FCRL5: variants seen among roughly 807,000 people sequenced by gnomAD.
The protein encoded by FCRL5 is Fc receptor-like protein 5.
In FCRL5, 79 loss-of-function variants were observed where a neutral mutation model predicts 92.1. The observed-to-expected ratio is 0.86, with a 90% CI of 0.72 to 1.03. The LOEUF is 1.03. FCRL5 is among the 50% of genes least tolerant of loss of function. FCRL5 has a pLI of 0.00. For synonymous variants in FCRL5, 466 were observed against 469.3 expected (o/e 0.99, Z 0.09); for missense variants, 1,160 against 1,181.1 (o/e 0.98, Z 0.26).
rs1558123930 is a variant in FCRL5 at position 157,515,693 on chromosome 1, G to A, written c.2916C>T (p.Ser972=). Residue 972 remains serine, a synonymous_variant, in exon 17 of 17, where the codon TCC becomes TCT. Transcript: ENST00000361835. Reference sequence around the variant, plus strand: ...TGTGGACTCATCTGTGAGGAGCTGAGGAAGCCAAGAACAGGGATCCGGAAA... The same window carrying A: ...TGTGGACTCATCTGTGAGGAGCTGAAGAAGCCAAGAACAGGGATCCGGAAA... The part of the protein sequence containing the change: ...TPVSGSLFLA[S]SAPHR 6.2e-7 allele frequency: 1 copy of A among 1,614,210 alleles called. No individual in the cohort carries two copies. The highest frequency in any genetic ancestry group is 8.5e-7 in the Non-Finnish European group (1 of 1,180,040).
rs534767199 is a variant in FCRL5 at position 157,538,078 on chromosome 1, G to A, written c.1402+1008C>T. Among the ~76,000 whole-genome samples, 7 of 152,234 alleles carry A rather than the reference G, an allele frequency of 4.6e-5. No individual in the cohort carries two copies. In the South Asian group the frequency reaches 1.5e-3, roughly 32 times the overall value. ...TCAGCATTTAGTAGGTGAAGAAGTG[G>A]GTCATTTAATAGGACTTTAAACATC... On this transcript the variant is annotated intron_variant, in intron 7 of 16. Transcript: ENST00000361835.
At chr1:157,539,445 C>T (rs1651143881) in intron 6 of FCRL5, 81 bp from the exon 7 acceptor site, 4 of 1,324,540 alleles carry the variant, frequency 3.0e-6, no homozygotes, top group South Asian at 3.3e-5. Flanking sequence ...ATCTTGGGAA[C>T]CCCAAATCAC....
Position 157,539,355 on chromosome 1 carries a change from G to A in FCRL5, c.1133C>T (p.Ser378Phe). 1.2e-6 allele frequency: 2 copies of A among 1,607,672 alleles called. No individual in the cohort carries two copies. The highest frequency in any genetic ancestry group is 1.7e-6 in the Non-Finnish European group (2 of 1,176,148). ...AVSLSVTVPVSHPVLNLSSPE... is the reference protein window; with the variant it reads ...AVSLSVTVPVFHPVLNLSSPE... ...AGAGCTGAGGTTGAGGACAGGATGA[G>A]ACACGGGAACTGAGAGAGAGAAAAA... The change falls in exon 7 of 17, where the codon TCT (serine) becomes TTT (phenylalanine). Residue 378 changes from serine (S) to phenylalanine (F), a missense_variant. Transcript: ENST00000361835.
At chr1:157,528,980 AG>A (rs1479921449) in intron 8 of FCRL5, among the ~76,000 whole-genome samples, 1 of 152,238 alleles carries the variant, frequency 6.6e-6, no homozygotes, top group African/African-American at 2.4e-5. Context: ...TAAATTTAAA[AG>A]CTTCTGCACA....
At chr1:157,528,432 C>T (rs1033527070) in intron 8 of FCRL5, 1 of 152,092 alleles carries the variant, frequency 6.6e-6, no homozygotes, top group African/African-American at 2.4e-5. Flanking sequence ...CAAAATACCA[C>T]CATAATTCTT....
intron 6 of FCRL5, among the ~76,000 whole-genome samples, chr1:157,541,265 C>T (rs76519844): frequency 1.0e-3 from 158 of 152,304 alleles, no homozygotes; most frequent in African/African-American, 3.6e-3. Context: ...TCCAACTGGA[C>T]GCTCTCTTGA....
At position 157,542,922 on chromosome 1, in the gene FCRL5, A is replaced by G; in HGVS notation, c.1060T>C (p.Tyr354His). 6.2e-7 allele frequency: 1 copy of G among 1,614,184 alleles called. No individual in the cohort carries two copies. Among genetic ancestry groups the G allele is most frequent in the Non-Finnish European group, 8.5e-7 (1 of 1,180,030 alleles). ...SLTTENSGNY[Y>H]CTADNGLGAK... ...CCAAGGCCATTGTCAGCTGTGCAGTAGTAGTTCCCTGAATTCTCTGTAGTC... is the reference window on the plus strand; with the variant it reads ...CCAAGGCCATTGTCAGCTGTGCAGTGGTAGTTCCCTGAATTCTCTGTAGTC... The change falls in exon 6 of 17, where the codon TAC (tyrosine) becomes CAC (histidine). Residue 354 changes from tyrosine to histidine, a missense_variant. By Grantham distance (83) the Tyr-to-His change is moderately conservative (BLOSUM62 2). Coordinates refer to ENST00000361835, the MANE Select transcript of FCRL5 (RefSeq NM_031281.3).
rs374535012 is a variant in FCRL5, at chr1:157,548,849, A to G, written c.52+711T>C. Among the ~76,000 whole-genome samples the G allele has an allele frequency of 9.2e-5, 14 of 152,330 alleles. No homozygotes were observed. The East Asian group carries it at 1.5e-3, about 17-fold the overall frequency. On this transcript the variant is annotated intron_variant, in intron 2 of 16. Transcript: ENST00000361835. ...TACACTGTTGGTGGGAGTGTAAACT[A>G]GTTCAACCATTGTGGAAGTCAGTGT... is the stretch of plus-strand genomic sequence containing the variant.
chr1:157,538,637 A>AGCGACTTGTCTTTGTGTCTTAC (rs1274898077), intron 7 of FCRL5, among the ~76,000 whole-genome samples: 15 of 152,240 alleles, frequency 9.9e-5, no homozygotes, highest in African/African-American at 3.6e-4. Flanking sequence ...ACTGTGATCC[A>AGCGACTTGTCTTTGTGTCTTAC]GCGACTTGTC....
Position 157,547,206 on chromosome 1 carries a change from G to T in FCRL5, c.53-9C>A. On this transcript the variant is annotated splice_polypyrimidine_tract_variant and intron_variant, in intron 2 of 16. Coordinates refer to ENST00000361835, the MANE Select transcript of FCRL5 (RefSeq NM_031281.3). ...GGGCCTGGGTGTCCTTGCTGAAGAG[G>T]AAAGAGAAAAGGAGTCTGAGGTGGA... is the stretch of plus-strand genomic sequence containing the variant. 6.2e-7 allele frequency: 1 copy of T among 1,613,340 alleles called. No homozygotes were observed. The highest frequency in any genetic ancestry group is 8.5e-7 in the Non-Finnish European group (1 of 1,179,874).
In FCRL5 at chr1:157,527,621, A is replaced by C; in HGVS notation, c.1956T>G (p.Val652=). 6.2e-7 allele frequency: 1 copy of C among 1,602,402 alleles called. No individual in the cohort carries two copies. Among genetic ancestry groups the C allele is most frequent in the Non-Finnish European group, 8.5e-7 (1 of 1,174,254 alleles). Residue 652 remains valine (V), a synonymous_variant, in exon 9 of 17, where the codon GTT becomes GTG. Transcript: ENST00000361835. ...CTGCTGGTTAGGTCAACTTACCTAT[A>C]ACACTGAGTGATATTGTGTCACTGT... ...AQHSDTISLS[V]IVPVSRPILT...
At position 157,514,599 on chromosome 1, in the gene FCRL5, G is replaced by T. The variant is rs1390535533; in HGVS notation, c.*1076C>A. On this transcript the variant is annotated 3_prime_UTR_variant, in exon 17 of 17. Coordinates refer to ENST00000361835, the MANE Select transcript of FCRL5 (RefSeq NM_031281.3). ...TAGGGCTTCACATGCATGCAGTGCA[G>T]TCCCAGGGCCAGCAGCATCAGCATC... 6.6e-6 allele frequency: 1 copy of T among 152,312 alleles called. No individual in the cohort carries two copies. Among genetic ancestry groups the T allele is most frequent in the Admixed American group, 6.5e-5 (1 of 15,288 alleles). 9.4% of individuals were successfully genotyped at this position (152,312 alleles called of 1,614,324 possible).
chr1:157,552,273 G>A (rs961212943), intron 1 of FCRL5, 59 bp downstream of exon 1: 30 of 1,541,736 alleles, frequency 1.9e-5, no homozygotes, highest in Non-Finnish European at 2.3e-5. Flanking sequence ...CCAGGCCTGC[G>A]GTGGAGAGAG....
chr1:157,552,062 C>T (rs922332208), intron 1 of FCRL5, among the ~76,000 whole-genome samples: 4 of 152,114 alleles, frequency 2.6e-5, no homozygotes, highest in African/African-American at 9.7e-5. Flanking sequence ...TTAAGAAGTA[C>T]TTTTTAAAGA....
intron 3 of FCRL5, 22 bp from the exon 4 acceptor site, chr1:157,545,104 T>C: frequency 6.2e-7 from 1 of 1,605,566 alleles, no homozygotes; most frequent in South Asian, 1.1e-5. Context: ...ACAATAGAGT[T>C]ATTTGGTTCA....
chr1:157,549,486 C>A, intron 2 of FCRL5, 74 bp downstream of exon 2: 1 of 1,377,460 alleles, frequency 7.3e-7, no homozygotes, highest in Non-Finnish European at 1.0e-6. Context: ...GCAGCCATCA[C>A]AAATGTTTTC....
chr1:157,543,263 C>G, intron 5 of FCRL5, 126 bp from the exon 6 acceptor site: 1 of 863,486 alleles, frequency 1.2e-6, no homozygotes, highest in East Asian at 2.6e-5. Context: ...AACCACACAC[C>G]CTTACCTGCA....
intron 1 of FCRL5, among the ~76,000 whole-genome samples, chr1:157,550,089 G>C (rs1317536143): frequency 1.3e-5 from 2 of 152,068 alleles, no homozygotes; most frequent in African/African-American, 4.8e-5. Context: ...TTTGTGTGTG[G>C]TAAGAGGCGA....
intron 2 of FCRL5, among the ~76,000 whole-genome samples, chr1:157,548,840 G>C (rs961297138): frequency 2.4e-4 from 37 of 152,164 alleles, no homozygotes; most frequent in African/African-American, 6.3e-4. Context: ...GTTGGTGGGA[G>C]TGTAAACTAG....
Sources: gnomAD v4.1 joint callset for allele counts (sites outside exome capture counted in the v4.1 genomes callset) on GRCh38, gnomAD v4.1.1 for gene constraint, MANE v1.5 for transcripts, NCBI Gene and HGNC (gene_info 2026-07-23, HGNC 2026-07-21) for gene names.